The following HECTD2 variants were observed in gnomAD, a reference collection of about 807,000 sequenced individuals.
HECTD2 encodes the protein probable E3 ubiquitin-protein ligase HECTD2.
In HECTD2, 35 loss-of-function variants were observed where a neutral mutation model predicts 103.2. The observed-to-expected ratio is 0.34, with a 90% CI of 0.26 to 0.45. The LOEUF (loss-of-function observed/expected upper bound fraction) is 0.45. Among genes scored for constraint, HECTD2 ranks in the 20% least tolerant of loss-of-function variants. The pLI is 1.00. For synonymous variants in HECTD2, 281 were observed against 329.9 expected (o/e 0.85, Z 1.61); for missense variants, 596 against 937.4 (o/e 0.64, Z 4.76).
intron 20 of HECTD2, among the ~76,000 whole-genome samples, chr10:91,509,132 G>A (rs1847319566): frequency 8.5e-6 from 1 of 117,864 alleles, no homozygotes; most frequent in Non-Finnish European, 1.7e-5. Flanking sequence ...TGTGGGGTGG[G>A]GGGAGGGGGG....
chr10:91,476,440 C>T (rs990855238), intron 5 of HECTD2, among the ~76,000 whole-genome samples: 8 of 152,150 alleles, frequency 5.3e-5, no homozygotes, highest in South Asian at 2.1e-4. Flanking sequence ...CGGACCCCCA[C>T]GAAGTTTCTC....
At chr10:91,441,575 A>G (rs1168225688) in intron 2 of HECTD2, among the ~76,000 whole-genome samples, 2 of 14,564 alleles carry the variant, frequency 1.4e-4, no homozygotes, top group South Asian at 3.4e-3. Flanking sequence ...GTAGATGTCT[A>G]TTAGGTCTGC....
At chr10:91,418,351 C>G (rs1299634833) in intron 1 of HECTD2, among the ~76,000 whole-genome samples, 2 of 152,068 alleles carry the variant, frequency 1.3e-5, no homozygotes, top group Admixed American at 1.3e-4. Context: ...CCTTGCCTTC[C>G]TAGTGATAAA....
chr10:91,452,615 G>A (rs1844884436), intron 2 of HECTD2, among the ~76,000 whole-genome samples: 1 of 151,916 alleles, frequency 6.6e-6, no homozygotes, highest in African/African-American at 2.4e-5. Flanking sequence ...AAGAGGAGGA[G>A]ATATTTGAGC....
chr10:91,505,801 C>A (rs981413872), intron 20 of HECTD2, among the ~76,000 whole-genome samples: 3 of 152,202 alleles, frequency 2.0e-5, no homozygotes, highest in African/African-American at 7.2e-5. Context: ...ACTCTCCACC[C>A]CAAATCAACA....
chr10:91,498,844 T>G lies in HECTD2; in HGVS notation c.1756-28T>G, dbSNP rs147552421. On this transcript the variant is annotated intron_variant, in intron 16 of 20. Coordinates refer to ENST00000298068, the MANE Select transcript of HECTD2 (RefSeq NM_182765.6). ...AAGTATGTTATTATATCAACCATAT[T>G]AATATGTGTAATGGCATCTCCCATC... is the stretch of plus-strand genomic sequence containing the variant. The G allele has an allele frequency of 3.3e-3, 4,314 of 1,301,194 alleles. 21 individuals carry two copies. The highest frequency in any genetic ancestry group is 9.5e-3 in the Middle Eastern group (39 of 4,114). 80.6% of individuals were successfully genotyped at this position (1,301,194 alleles called of 1,614,324 possible). A position where few individuals can be genotyped will look rare whatever the true frequency, so the allele number is the denominator to read the frequency against.
intron 2 of HECTD2, among the ~76,000 whole-genome samples, chr10:91,430,902 GTGAA>G (rs1446748293): frequency 6.6e-6 from 1 of 151,232 alleles, no homozygotes; most frequent in African/African-American, 2.5e-5. Context: ...ATCATTATGT[GTGAA>G]TTTGATCCTG....
intron 8 of HECTD2, among the ~76,000 whole-genome samples, chr10:91,483,529 A>G (rs1476310719): frequency 6.6e-6 from 1 of 152,006 alleles, no homozygotes; most frequent in African/African-American, 2.4e-5. Flanking sequence ...ATCAATTTGT[A>G]AAAGCATAAT....
intron 20 of HECTD2, among the ~76,000 whole-genome samples, chr10:91,503,397 T>G (rs1342972607): frequency 1.3e-5 from 2 of 152,136 alleles, no homozygotes; most frequent in Non-Finnish European, 2.9e-5. Flanking sequence ...TGCCAGACAG[T>G]GGGCGCAGGT....
Position 91,487,449 on chromosome 10 carries a change from C to A in HECTD2, c.1095-233C>A. 3.9e-6 allele frequency: 2 copies of A among 508,950 alleles called. No individual in the cohort carries two copies. Among genetic ancestry groups the A allele is most frequent in the Admixed American group, 3.0e-5 (1 of 33,852 alleles). The allele number at this position is 508,950 out of a possible 1,614,324, so 31.5% of individuals were successfully genotyped here. On this transcript the variant is annotated intron_variant, in intron 10 of 20. Coordinates refer to ENST00000298068, the MANE Select transcript of HECTD2 (RefSeq NM_182765.6). This position sits in a 1 kb window ranked among gnomAD's most constrained non-coding sequence, Gnocchi z 4.1. ...GTAAGTGGTTAGCACACATTCAGAACCTTTGATGTAGCTTCTGCAGAGAAT... is the reference window on the plus strand; with the variant it reads ...GTAAGTGGTTAGCACACATTCAGAAACTTTGATGTAGCTTCTGCAGAGAAT...
intron 2 of HECTD2, among the ~76,000 whole-genome samples, chr10:91,434,394 C>G (rs895159286): frequency 6.6e-6 from 1 of 152,010 alleles, no homozygotes; most frequent in African/African-American, 2.4e-5. Flanking sequence ...GGTACTCACA[C>G]GTTGTCAGTT....
At chr10:91,431,206 C>T (rs1378509562) in intron 2 of HECTD2, among the ~76,000 whole-genome samples, 1 of 151,716 alleles carries the variant, frequency 6.6e-6, no homozygotes, top group Non-Finnish European at 1.5e-5. Flanking sequence ...TGAATATTGG[C>T]CACCACTCTC....
chr10:91,483,026 A>G lies in HECTD2; in HGVS notation c.771A>G (p.Ile257Met). Residue 257 changes from isoleucine (I) to methionine (M), a missense_variant, in exon 8 of 21, where the codon ATA becomes ATG. Around this residue, in one of 4 missense-constraint regions of HECTD2, gnomAD observed 303 missense variants for 522.5 expected, o/e 0.58. Coordinates refer to ENST00000298068, the MANE Select transcript of HECTD2 (RefSeq NM_182765.6). ...YVIYAHLLRQ[I>M]ATLVEADHHF... Reference sequence around the variant, plus strand: ...TCTATGCTCACTTGCTACGACAGATAGCTACCTTAGTGGAAGCTGACCATC... The same window carrying G: ...TCTATGCTCACTTGCTACGACAGATGGCTACCTTAGTGGAAGCTGACCATC... The G allele has an allele frequency of 1.3e-6, 2 of 1,592,206 alleles. No homozygotes were observed. The highest frequency in any genetic ancestry group is 1.1e-5 in the South Asian group (1 of 90,084).
intron 6 of HECTD2, 126 bp from the exon 7 acceptor site, chr10:91,480,968 G>A (rs1485566622): frequency 1.9e-5 from 11 of 593,220 alleles, no homozygotes; most frequent in Non-Finnish European, 3.3e-5. Flanking sequence ...CAATAATAAT[G>A]CATATTAATC....
intron 2 of HECTD2, among the ~76,000 whole-genome samples, chr10:91,454,390 A>T (rs925517410): frequency 2.6e-5 from 4 of 152,232 alleles, no homozygotes; most frequent in African/African-American, 9.6e-5. Context: ...AATACTTGGA[A>T]ATTAAACAAC....
intron 1 of HECTD2, among the ~76,000 whole-genome samples, chr10:91,420,587 CAAAAGAAAAAAAAA>C (rs1173174439): frequency 7.3e-6 from 1 of 136,708 alleles, no homozygotes; most frequent in Non-Finnish European, 1.6e-5. Context: ...GACTATATCT[CAAAAGAAAAAAAAA>C]AAAAGAAAAA....
chr10:91,480,947 A>T (rs7898845), intron 6 of HECTD2, 147 bp from the exon 7 acceptor site: 55,431 of 548,542 alleles, frequency 0.1, 9,308 homozygotes, highest in African/African-American at 0.58. Context: ...TCAGCATATT[A>T]TGGACTGTCT....
At chr10:91,476,315 T>C (rs1383634176) in intron 5 of HECTD2, among the ~76,000 whole-genome samples, 1 of 152,170 alleles carries the variant, frequency 6.6e-6, no homozygotes, top group African/African-American at 2.4e-5. Flanking sequence ...TCTGGGTGCA[T>C]CTGAGACCTA....
intron 2 of HECTD2, 136 bp from the exon 3 acceptor site, chr10:91,460,291 G>A (rs900146581): frequency 1.3e-6 from 1 of 779,782 alleles, no homozygotes; most frequent in African/African-American, 1.8e-5. Flanking sequence ...ACTATGGTTG[G>A]TTTTTCTTTA....
Sources: allele counts gnomAD v4.1 joint callset (sites outside exome capture counted in the v4.1 genomes callset), GRCh38; gene constraint gnomAD v4.1.1; regional missense constraint gnomAD v4.1.1; non-coding constraint Gnocchi (gnomAD v3.1); transcripts MANE v1.5; gene names NCBI Gene and HGNC (gene_info 2026-07-23, HGNC 2026-07-21).